CACNA2D1: variants seen among roughly 807,000 people sequenced by gnomAD.
The protein encoded by CACNA2D1 is calcium voltage-gated channel auxiliary subunit alpha2delta 1, also known as voltage-dependent calcium channel subunit alpha-2/delta-1.
In CACNA2D1, 53 loss-of-function variants were observed where a neutral mutation model predicts 171.5. The observed-to-expected ratio is 0.31, with a 90% CI of 0.25 to 0.39. The LOEUF is 0.39. Ranked by LOEUF, CACNA2D1 falls within the 10% of genes least tolerant of loss-of-function variation. CACNA2D1 has a pLI of 1.00. For synonymous variants in CACNA2D1, 442 were observed against 443.1 expected, an observed-to-expected ratio of 1.00 and a Z score of 0.03; for missense variants, 903 against 1,299.8, an observed-to-expected ratio of 0.69 and a Z score of 4.69.
intron 6 of CACNA2D1, among the ~76,000 whole-genome samples, chr7:82,086,129 GTCTT>G (rs1242340219): frequency 6.6e-6 from 1 of 152,052 alleles, no homozygotes; most frequent in Non-Finnish European, 1.5e-5. Flanking sequence ...ACAGCTTAAC[GTCTT>G]TCTATTTTTT....
intron 1 of CACNA2D1, among the ~76,000 whole-genome samples, chr7:82,411,010 CA>C (rs1017295953): frequency 1.3e-5 from 2 of 152,106 alleles, no homozygotes; most frequent in African/African-American, 4.8e-5. Flanking sequence ...TTCTGGAAAA[CA>C]AAATGTTTAT....
chr7:82,043,213 T>C (rs1478095395), intron 10 of CACNA2D1, among the ~76,000 whole-genome samples: 3 of 152,200 alleles, frequency 2.0e-5, no homozygotes, highest in Non-Finnish European at 4.4e-5. Flanking sequence ...CTGCAATATG[T>C]TGTTAAACTT....
At chr7:82,146,432 A>AAAGC in intron 4 of CACNA2D1, among the ~76,000 whole-genome samples, 1 of 129,432 alleles carries the variant, frequency 7.7e-6, no homozygotes, top group Non-Finnish European at 1.8e-5. Flanking sequence ...ACATATACAT[A>AAAGC]TTTATATTTA....
chr7:82,328,737 T>C (rs2129443247), intron 3 of CACNA2D1, among the ~76,000 whole-genome samples: 1 of 152,314 alleles, frequency 6.6e-6, no homozygotes, highest in Non-Finnish European at 1.5e-5. Context: ...TCTTTAGTAG[T>C]ACTCCACATT....
chr7:82,021,824 T>G (rs1015710737), intron 12 of CACNA2D1, among the ~76,000 whole-genome samples: 11 of 151,978 alleles, frequency 7.2e-5, no homozygotes, highest in Admixed American at 6.6e-4. Context: ...AAAGGTTGAC[T>G]GGGGGAAAAT....
chr7:82,003,724 T>C (rs1339532001), intron 18 of CACNA2D1, among the ~76,000 whole-genome samples: 1 of 151,070 alleles, frequency 6.6e-6, no homozygotes, highest in Admixed American at 6.6e-5. Flanking sequence ...TAGAGATCCT[T>C]CACACCCTTC....
chr7:82,280,050 A>C (rs1225129504), intron 3 of CACNA2D1, among the ~76,000 whole-genome samples: 2 of 152,202 alleles, frequency 1.3e-5, no homozygotes, highest in Non-Finnish European at 2.9e-5. Flanking sequence ...ACACAAACAA[A>C]ACACTTTTTA....
chr7:81,980,172 C>CAAAAAAAAAAAAAAAAAAAAAA (rs35616922), intron 24 of CACNA2D1, among the ~76,000 whole-genome samples: 1 of 25,252 alleles, frequency 4.0e-5, no homozygotes, highest in African/African-American at 1.5e-4. Context: ...TAAAACCAAG[C>CAAAAAAAAAAAAAAAAAAAAAA]AAAAAAAAAA....
intron 1 of CACNA2D1, among the ~76,000 whole-genome samples, chr7:82,425,340 T>G (rs1311548669): frequency 1.3e-5 from 2 of 152,010 alleles, no homozygotes; most frequent in Non-Finnish European, 2.9e-5. Context: ...GGGAATGCAG[T>G]CCAGGCAACA....
chr7:82,021,726 G>T (rs1157006745), intron 12 of CACNA2D1, among the ~76,000 whole-genome samples: 1 of 151,978 alleles, frequency 6.6e-6, no homozygotes, highest in Non-Finnish European at 1.5e-5. Context: ...TTAAAAAATG[G>T]TAATCTGAGG....
chr7:81,992,158 A>T (rs371855249), intron 20 of CACNA2D1, among the ~76,000 whole-genome samples: 9 of 152,000 alleles, frequency 5.9e-5, no homozygotes, highest in African/African-American at 2.2e-4. Flanking sequence ...CACATGTATA[A>T]TTTTTAATTT....
At chr7:82,217,618 C>T (rs1157683936) in intron 3 of CACNA2D1, among the ~76,000 whole-genome samples, 1 of 136,030 alleles carries the variant, frequency 7.4e-6, no homozygotes, top group Non-Finnish European at 1.5e-5. Context: ...GATCTATCAA[C>T]ATTCATGGCA....
chr7:82,216,480 G>C (rs1194749843), intron 3 of CACNA2D1, among the ~76,000 whole-genome samples: 2 of 152,138 alleles, frequency 1.3e-5, no homozygotes, highest in Non-Finnish European at 2.9e-5. Context: ...TTTCTGGACA[G>C]AGTAATGACA....
intron 3 of CACNA2D1, among the ~76,000 whole-genome samples, chr7:82,188,377 A>G (rs1797975463): frequency 6.6e-6 from 1 of 152,242 alleles, no homozygotes; most frequent in East Asian, 1.9e-4. Flanking sequence ...GCAAAATAAT[A>G]AAGTAGTCAT....
chr7:82,322,811 C>T (rs968404504), intron 3 of CACNA2D1, among the ~76,000 whole-genome samples: 10 of 152,120 alleles, frequency 6.6e-5, no homozygotes, highest in African/African-American at 2.4e-4. Flanking sequence ...ATGCAAAGAA[C>T]ACCTGTGTAT....
chr7:82,342,033 T>C (rs1345527509), intron 2 of CACNA2D1, among the ~76,000 whole-genome samples: 15 of 113,952 alleles, frequency 1.3e-4, no homozygotes, highest in Non-Finnish European at 2.4e-4. Context: ...CAGCCTGGGC[T>C]ACAGCGCGAG....
In CACNA2D1 at chr7:82,335,125, T is replaced by C; in HGVS notation, c.294+10A>G. On this transcript the variant is annotated intron_variant, in intron 3 of 38. Coordinates refer to ENST00000356860, the MANE Select transcript of CACNA2D1 (RefSeq NM_000722.4). Reference sequence around the variant, plus strand: ...AAATAATAAAATGAGCAGATCCAATTTAAACTCACCACCAGGGCTTTAGAT... The same window carrying C: ...AAATAATAAAATGAGCAGATCCAATCTAAACTCACCACCAGGGCTTTAGAT... 1 of 1,509,538 alleles carries C rather than the reference T, an allele frequency of 6.6e-7. No homozygotes were observed. The highest frequency in any genetic ancestry group is 9.2e-7 in the Non-Finnish European group (1 of 1,084,654). 93.5% of individuals were successfully genotyped at this position (1,509,538 alleles called of 1,614,324 possible).
chr7:82,300,082 TAAC>T (rs1812816386), intron 3 of CACNA2D1, among the ~76,000 whole-genome samples: 2 of 152,214 alleles, frequency 1.3e-5, no homozygotes, highest in Non-Finnish European at 2.9e-5. Context: ...TCATTCAGAA[TAAC>T]AATAGGGGTG....
chr7:82,270,021 A>AT (rs1019542806), intron 3 of CACNA2D1, among the ~76,000 whole-genome samples: 1 of 152,098 alleles, frequency 6.6e-6, no homozygotes, highest in Non-Finnish European at 1.5e-5. Flanking sequence ...AAAGACTCCA[A>AT]TGCCTTATTT....
Sources: gnomAD v4.1 joint callset for allele counts (sites outside exome capture counted in the v4.1 genomes callset) on GRCh38, gnomAD v4.1.1 for gene constraint, MANE v1.5 for transcripts, NCBI Gene and HGNC (gene_info 2026-07-23, HGNC 2026-07-21) for gene names.